The following CENPP variants were observed in gnomAD, a reference collection of about 807,000 sequenced individuals.
CENPP encodes centromere protein P.
CENPP carries 24 observed loss-of-function variants against 35.6 expected under a neutral mutation model. That is an observed-to-expected ratio of 0.67 (90% CI 0.49 to 0.95). The LOEUF (loss-of-function observed/expected upper bound fraction) is 0.95, where lower values mean the gene tolerates loss of function less well. Ranked by LOEUF, CENPP falls within the 40% of genes least tolerant of loss-of-function variation. CENPP has a pLI of 0.00. For synonymous variants in CENPP, 120 were observed against 125.5 expected (o/e 0.96, Z 0.29); for missense variants, 332 against 345.3 (o/e 0.96, Z 0.31).
chr9:92,596,798 T>A (rs1213626059), intron 5 of CENPP, among the ~76,000 whole-genome samples: 1 of 152,126 alleles, frequency 6.6e-6, no homozygotes, highest in Non-Finnish European at 1.5e-5. Flanking sequence ...GGCTTTTTTT[T>A]TATAACCTTC....
At chr9:92,474,413 C>T (rs796899674) in intron 5 of CENPP, among the ~76,000 whole-genome samples, 1 of 152,276 alleles carries the variant, frequency 6.6e-6, no homozygotes, top group African/African-American at 2.4e-5. Context: ...GTTCTATGGA[C>T]AACATTCCCT....
At chr9:92,545,170 G>A (rs936731701) in intron 5 of CENPP, among the ~76,000 whole-genome samples, 4 of 152,192 alleles carry the variant, frequency 2.6e-5, no homozygotes, top group Non-Finnish European at 4.4e-5. Flanking sequence ...TTCAGCCCAC[G>A]CTGTGCTGTG....
chr9:92,535,493 C>A (rs1263794451), intron 5 of CENPP, among the ~76,000 whole-genome samples: 1 of 152,000 alleles, frequency 6.6e-6, no homozygotes, highest in Non-Finnish European at 1.5e-5. Flanking sequence ...TATTTTTCTT[C>A]ATTTAAAATT....
intron 5 of CENPP, among the ~76,000 whole-genome samples, chr9:92,512,915 G>A (rs1847444846): frequency 6.6e-6 from 1 of 152,172 alleles, no homozygotes; most frequent in African/African-American, 2.4e-5. Context: ...AGGAGGAAGG[G>A]ACTTTCCTGA....
intron 5 of CENPP, among the ~76,000 whole-genome samples, chr9:92,387,920 C>T (rs200174493): frequency 5.9e-5 from 9 of 151,914 alleles, no homozygotes; most frequent in East Asian, 5.8e-4. Context: ...CCCACCACCA[C>T]GCCCAGCTAA....
chr9:92,540,377 G>A (rs867519460), intron 5 of CENPP, among the ~76,000 whole-genome samples: 1 of 150,826 alleles, frequency 6.6e-6, no homozygotes, highest in East Asian at 1.9e-4. Flanking sequence ...GGCAAAGGTC[G>A]CAGTGAGTCG....
chr9:92,448,396 AGTAGCTGGGATTACAG>A (rs1383988837), intron 5 of CENPP, among the ~76,000 whole-genome samples: 1 of 151,916 alleles, frequency 6.6e-6, no homozygotes, highest in Non-Finnish European at 1.5e-5. Context: ...CAGCCTCCCA[AGTAGCTGGGATTACAG>A]GTGCCCACCA....
At chr9:92,330,621 A>G (rs1840710680) in intron 1 of CENPP, among the ~76,000 whole-genome samples, 1 of 151,740 alleles carries the variant, frequency 6.6e-6, no homozygotes, top group South Asian at 2.1e-4. Flanking sequence ...AAAAAATACC[A>G]TCTAATACAA....
intron 5 of CENPP, among the ~76,000 whole-genome samples, chr9:92,551,176 G>T (rs1237350627): frequency 6.6e-6 from 1 of 152,122 alleles, no homozygotes; most frequent in Non-Finnish European, 1.5e-5. Context: ...TCTTGTCCAG[G>T]TTTAAGTGTG....
intron 5 of CENPP, among the ~76,000 whole-genome samples, chr9:92,572,083 T>G (rs1232092649): frequency 6.6e-6 from 1 of 152,184 alleles, no homozygotes; most frequent in Non-Finnish European, 1.5e-5. Flanking sequence ...ATTTAGCCCA[T>G]TTACATTTAA....
chr9:92,569,551 T>C (rs1225924874), intron 5 of CENPP, among the ~76,000 whole-genome samples: 3 of 152,208 alleles, frequency 2.0e-5, no homozygotes, highest in Non-Finnish European at 4.4e-5. Flanking sequence ...TAGGATTGTC[T>C]TGGAAATGCG....
At chr9:92,561,456 C>A (rs927898379) in intron 5 of CENPP, among the ~76,000 whole-genome samples, 2 of 152,190 alleles carry the variant, frequency 1.3e-5, no homozygotes, top group Non-Finnish European at 2.9e-5. Flanking sequence ...TATGTCCCTA[C>A]AGCAGGAAAT....
intron 5 of CENPP, among the ~76,000 whole-genome samples, chr9:92,409,617 T>G (rs1843394473): frequency 6.6e-6 from 1 of 152,244 alleles, no homozygotes; most frequent in Non-Finnish European, 1.5e-5. Context: ...TAAAATTTCC[T>G]TTCTAAAAGT....
chr9:92,393,170 G>A, intron 5 of CENPP: 1 of 1,613,678 alleles, frequency 6.2e-7, no homozygotes, highest in Non-Finnish European at 8.5e-7. Context: ...GGTAAGGGTG[G>A]TACAGCATCA....
At chr9:92,461,954 C>T (rs1056623361) in intron 5 of CENPP, among the ~76,000 whole-genome samples, 1 of 151,856 alleles carries the variant, frequency 6.6e-6, no homozygotes. Context: ...ATGTTCAGGT[C>T]ATTGCAGTAT....
At chr9:92,567,028 A>G (rs1049011740) in intron 5 of CENPP, among the ~76,000 whole-genome samples, 1 of 152,184 alleles carries the variant, frequency 6.6e-6, no homozygotes, top group African/African-American at 2.4e-5. Flanking sequence ...AAAAGGAAAC[A>G]AAAGAATACA....
chr9:92,338,984 C>T (rs2130791244), intron 3 of CENPP, among the ~76,000 whole-genome samples: 1 of 152,258 alleles, frequency 6.6e-6, no homozygotes, highest in Admixed American at 6.5e-5. Flanking sequence ...AGGGCTCAGC[C>T]ACCTTCAAAG....
chr9:92,583,766 A>G (rs1850484139), intron 5 of CENPP, among the ~76,000 whole-genome samples: 1 of 152,212 alleles, frequency 6.6e-6, no homozygotes, highest in Non-Finnish European at 1.5e-5. Flanking sequence ...TTCACTATGA[A>G]ATCACCAGCA....
chr9:92,482,808 TTACTGAAGTATA>T (rs1486043946), intron 5 of CENPP, among the ~76,000 whole-genome samples: 9 of 152,184 alleles, frequency 5.9e-5, no homozygotes, highest in Non-Finnish European at 1.2e-4. Flanking sequence ...GATACCAACA[TTACTGAAGTATA>T]TACCCAAACT....
Sources: gnomAD v4.1 joint callset for allele counts (sites outside exome capture counted in the v4.1 genomes callset) on GRCh38, gnomAD v4.1.1 for gene constraint, MANE v1.5 for transcripts, NCBI Gene and HGNC (gene_info 2026-07-23, HGNC 2026-07-21) for gene names.